Variants in CDK14 observed in about 807,000 individuals in gnomAD.
CDK14 encodes the protein cyclin dependent kinase 14.
A neutral mutation model predicts 60.7 loss-of-function variants in CDK14; 34 were observed. The observed-to-expected ratio is 0.56, with a 90% confidence interval of 0.43 to 0.75. The LOEUF is 0.75. Ranked by LOEUF, CDK14 falls within the 30% of genes least tolerant of loss-of-function variation. The pLI, the probability that CDK14 is intolerant of heterozygous loss-of-function variation, is 0.00. For missense variants in CDK14, 482 were observed against 564.1 expected (o/e 0.85, Z 1.47); for synonymous variants, 197 against 203.7 (o/e 0.97, Z 0.28).
intron 14 of CDK14, among the ~76,000 whole-genome samples, chr7:91,175,372 C>G (rs1801695911): frequency 6.6e-6 from 1 of 151,864 alleles, no homozygotes. Flanking sequence ...ATGTAAAGAC[C>G]ATCGAGACTA....
intron 10 of CDK14, among the ~76,000 whole-genome samples, chr7:91,021,568 T>C (rs545489974): frequency 6.6e-6 from 1 of 152,336 alleles, no homozygotes; most frequent in African/African-American, 2.4e-5. Flanking sequence ...AGAAATCTAC[T>C]GACTAGAGAG....
chr7:90,781,243 G>T (rs1286289848), intron 4 of CDK14, among the ~76,000 whole-genome samples: 1 of 152,058 alleles, frequency 6.6e-6, no homozygotes, highest in African/African-American at 2.4e-5. Context: ...CATGTCCTTC[G>T]CCCACTTTTT....
chr7:90,603,159 G>C (rs1799350596), intron 1 of CDK14, among the ~76,000 whole-genome samples: 1 of 152,100 alleles, frequency 6.6e-6, no homozygotes, highest in African/African-American at 2.4e-5. Flanking sequence ...TCTCCAGCTA[G>C]TAGTTTCAGA....
intron 12 of CDK14, among the ~76,000 whole-genome samples, chr7:91,108,176 C>T (rs1584071093): frequency 6.6e-6 from 1 of 152,160 alleles, no homozygotes; most frequent in South Asian, 2.1e-4. Context: ...GGCATGGTGG[C>T]GCAAGCCTGT....
chr7:90,955,079 T>C (rs1051827714), intron 8 of CDK14, among the ~76,000 whole-genome samples: 12 of 152,162 alleles, frequency 7.9e-5, no homozygotes, highest in African/African-American at 2.9e-4. Flanking sequence ...TTATCATATA[T>C]AATCTCATCA....
chr7:91,010,842 TCCC>T (rs1562867351), intron 10 of CDK14, among the ~76,000 whole-genome samples: 59 of 105,856 alleles, frequency 5.6e-4, no homozygotes, highest in African/African-American at 2.1e-3. Flanking sequence ...CCTCCCTCCC[TCCC>T]TCCCTCCCTC....
chr7:91,066,435 G>A (rs140469083), intron 11 of CDK14, among the ~76,000 whole-genome samples: 1 of 152,286 alleles, frequency 6.6e-6, no homozygotes, highest in African/African-American at 2.4e-5. Context: ...TTGAACATAT[G>A]TGAAGTTTTT....
chr7:90,924,221 G>C (rs779188793), intron 8 of CDK14, among the ~76,000 whole-genome samples: 1 of 152,242 alleles, frequency 6.6e-6, no homozygotes, highest in Non-Finnish European at 1.5e-5. Flanking sequence ...CACATGGCAA[G>C]GGGGTTGAGC....
rs141450797 is a variant in CDK14 at position 91,080,742 on chromosome 7, C to T, written c.1154+1262C>T. ...ATCATTCCTTCCAACCAGATAACCA[C>T]TTTATGAAACAATTCTTGATAAAGC... On this transcript the variant is annotated intron_variant, in intron 12 of 14. Coordinates refer to ENST00000380050, the MANE Select transcript of CDK14 (RefSeq NM_001287135.2). Among the ~76,000 whole-genome samples the T allele has an allele frequency of 9.6e-3, 1,455 of 152,312 alleles. 16 individuals carry two copies. The highest frequency in any genetic ancestry group is 0.014 in the Non-Finnish European group (923 of 68,030).
rs114753719 is a variant in CDK14 at position 90,834,041 on chromosome 7, G to A, written c.545-29134G>A. Among the ~76,000 whole-genome samples the A allele has an allele frequency of 5.4e-3, 824 of 152,196 alleles. 9 individuals are homozygous for A. Among genetic ancestry groups the A allele is most frequent in the African/African-American group, 0.018 (742 of 41,522 alleles). ...TCTGGCAGTGACTAAAAGACCCCTT[G>A]GTGGTGCTTAAATAAATTATTAGCT... On this transcript the variant is annotated intron_variant, in intron 5 of 14. Transcript: ENST00000380050.
chr7:90,945,726 G>T (rs886697446), intron 8 of CDK14, among the ~76,000 whole-genome samples: 1 of 152,202 alleles, frequency 6.6e-6, no homozygotes, highest in Non-Finnish European at 1.5e-5. Flanking sequence ...AGGACAGCCT[G>T]TGGGGAGCAA....
chr7:90,846,744 G>T (rs180915784), intron 5 of CDK14, among the ~76,000 whole-genome samples: 2 of 151,988 alleles, frequency 1.3e-5, no homozygotes, highest in East Asian at 3.9e-4. Context: ...CACTTCCCTC[G>T]GTTTTATGAG....
At chr7:91,008,145 ACAAAC>A (rs1490031440) in intron 10 of CDK14, among the ~76,000 whole-genome samples, 10,831 of 132,552 alleles carry the variant, frequency 0.082, 1,587 homozygotes, top group South Asian at 0.12. Context: ...AAAAAAAAAA[ACAAAC>A]AAAAAAAAAC....
At chr7:91,082,657 C>T (rs1485896493) in intron 12 of CDK14, among the ~76,000 whole-genome samples, 1 of 152,144 alleles carries the variant, frequency 6.6e-6, no homozygotes, top group Non-Finnish European at 1.5e-5. Flanking sequence ...TGTTTCCTAA[C>T]TTTGTGTTCT....
At chr7:90,972,146 T>C (rs2117632410) in intron 9 of CDK14, among the ~76,000 whole-genome samples, 1 of 152,340 alleles carries the variant, frequency 6.6e-6, no homozygotes, top group East Asian at 1.9e-4. Context: ...TCAAATATTT[T>C]CTAAGATGGG....
chr7:90,851,065 A>G (rs1289544324), intron 5 of CDK14, among the ~76,000 whole-genome samples: 1 of 152,238 alleles, frequency 6.6e-6, no homozygotes, highest in East Asian at 1.9e-4. Context: ...AATGGATGCA[A>G]GAAAACTAAG....
In CDK14 at chr7:90,823,628, G is replaced by A. The variant is rs1020864365; in HGVS notation, c.544+32976G>A. ...TGTAGTAGGAGGGAGTAGGTATTTC[G>A]AATCAACCAAACCTAGTCTTCAGGC... On this transcript the variant is annotated intron_variant, in intron 5 of 14. Coordinates refer to ENST00000380050, the MANE Select transcript of CDK14 (RefSeq NM_001287135.2). Among the ~76,000 whole-genome samples, 6 of 152,252 alleles carry A rather than the reference G, an allele frequency of 3.9e-5. No homozygotes were observed. The South Asian group carries it at 8.3e-4, about 21-fold the overall frequency.
At chr7:90,799,310 A>G (rs1416320463) in intron 5 of CDK14, among the ~76,000 whole-genome samples, 4 of 152,194 alleles carry the variant, frequency 2.6e-5, no homozygotes, top group African/African-American at 9.7e-5. Context: ...GGTAGGTACT[A>G]TCATTATTGC....
intron 6 of CDK14, among the ~76,000 whole-genome samples, chr7:90,895,045 A>C (rs1215372644): frequency 2.6e-5 from 4 of 152,084 alleles, no homozygotes; most frequent in Non-Finnish European, 5.9e-5. Flanking sequence ...TGTGTTTTAA[A>C]GAAGAAGTAG....
Sources: gnomAD v4.1 joint callset for allele counts (sites outside exome capture counted in the v4.1 genomes callset) on GRCh38, gnomAD v4.1.1 for gene constraint, MANE v1.5 for transcripts, NCBI Gene and HGNC (gene_info 2026-07-23, HGNC 2026-07-21) for gene names.